Variants in CREB5 observed in about 807,000 individuals in gnomAD.
The protein encoded by CREB5 is cyclic AMP-responsive element-binding protein 5.
Under a neutral mutation model 57.1 loss-of-function variants are expected in CREB5, and 19 were observed. The observed-to-expected ratio is 0.33, with a 90% CI of 0.23 to 0.49. CREB5 has a LOEUF of 0.49. Ranked by LOEUF, CREB5 falls within the 20% of genes least tolerant of loss-of-function variation. The pLI is 0.99. For synonymous variants in CREB5, 238 were observed against 238.3 expected, an observed-to-expected ratio of 1.00 and a Z score of 0.01; for missense variants, 579 against 671.6, an observed-to-expected ratio of 0.86 and a Z score of 1.52.
intron 1 of CREB5, among the ~76,000 whole-genome samples, chr7:28,300,430 G>T (rs1025719105): frequency 1.3e-5 from 2 of 152,192 alleles, no homozygotes; most frequent in African/African-American, 4.8e-5. Context: ...TCTCCAGGTG[G>T]CTGGTGTTGG....
At chr7:28,303,440 G>A (rs1327549203) in intron 1 of CREB5, among the ~76,000 whole-genome samples, 1 of 152,092 alleles carries the variant, frequency 6.6e-6, no homozygotes, top group South Asian at 2.1e-4. Context: ...ATCAAGAGGG[G>A]GAAATTAGCC....
intron 5 of CREB5, among the ~76,000 whole-genome samples, chr7:28,636,979 C>A (rs1798445814): frequency 1.3e-5 from 2 of 151,888 alleles, no homozygotes; most frequent in African/African-American, 4.8e-5. Context: ...CATAGTGAAA[C>A]CCTGACTCTA....
Position 28,321,163 on chromosome 7 carries a change from A to T in CREB5, c.-25+21722A>T, listed in dbSNP as rs903758422. Among the ~76,000 whole-genome samples, 4 of 152,192 alleles carry T rather than the reference A, an allele frequency of 2.6e-5. No homozygotes were observed. In the South Asian group the frequency reaches 8.3e-4, roughly 31 times the overall value. On this transcript the variant is annotated intron_variant, in intron 1 of 9. Coordinates refer to the CREB5 transcript ENST00000396299. ...TTGGACACACTGCTTGACACTTAGT[A>T]AGTGTTGTGAAAGTATTAGCTTCCT... is the stretch of plus-strand genomic sequence containing the variant.
At chr7:28,745,852 C>G (rs186714311) in intron 7 of CREB5, among the ~76,000 whole-genome samples, 2 of 152,258 alleles carry the variant, frequency 1.3e-5, no homozygotes, top group Non-Finnish European at 2.9e-5. Flanking sequence ...TTTAAGAGAC[C>G]AGCTAGGACA....
chr7:28,563,457 T>C (rs1170108002), intron 4 of CREB5, among the ~76,000 whole-genome samples: 1 of 152,188 alleles, frequency 6.6e-6, no homozygotes, highest in Non-Finnish European at 1.5e-5. Context: ...AGTGCTTATG[T>C]TTTTCTTTTA....
chr7:28,795,070 G>A (rs1241509121), intron 7 of CREB5, among the ~76,000 whole-genome samples: 2 of 152,120 alleles, frequency 1.3e-5, no homozygotes, highest in Non-Finnish European at 2.9e-5. Context: ...GCGGAGAACA[G>A]GACTCTCACT....
chr7:28,530,678 T>C (rs1793687709), intron 4 of CREB5, among the ~76,000 whole-genome samples: 1 of 152,184 alleles, frequency 6.6e-6, no homozygotes, highest in Non-Finnish European at 1.5e-5. Context: ...TTCGCCATAG[T>C]TAGCTTTGTT....
At chr7:28,565,643 C>G (rs1002648372) in intron 4 of CREB5, among the ~76,000 whole-genome samples, 17 of 152,206 alleles carry the variant, frequency 1.1e-4, no homozygotes, top group African/African-American at 4.1e-4. Context: ...AAATTATGCC[C>G]TCTGGCTGGG....
At chr7:28,709,606 A>G (rs1197522184) in intron 5 of CREB5, among the ~76,000 whole-genome samples, 2 of 152,180 alleles carry the variant, frequency 1.3e-5, no homozygotes, top group African/African-American at 2.4e-5. Flanking sequence ...AAACAAGGCA[A>G]AGTCTCCAGC....
intron 5 of CREB5, among the ~76,000 whole-genome samples, chr7:28,669,746 A>G (rs1354634701): frequency 2.0e-5 from 3 of 152,220 alleles, no homozygotes; most frequent in Admixed American, 1.3e-4. Context: ...TAAAGCATTT[A>G]CTGTTTTACC....
At chr7:28,743,838 C>CTTTTTTT (rs58302393) in intron 7 of CREB5, among the ~76,000 whole-genome samples, 2,747 of 75,144 alleles carry the variant, frequency 0.037, 2 homozygotes, top group East Asian at 0.11. Flanking sequence ...ATCTCCTTTT[C>CTTTTTTT]TTTTTTTTTT....
rs1583821723 is a variant in CREB5, at chr7:28,820,491, CAA to C, written c.*1214_*1215del. On this transcript the variant is annotated 3_prime_UTR_variant, in exon 11 of 11. Coordinates refer to ENST00000357727, the MANE Select transcript of CREB5 (RefSeq NM_182898.4). The stretch of plus-strand genomic sequence containing the variant: ...GAAAATAGACTAACTACTGGAGAAA[CAA>C]AGAGAGAAAGAAAACCCAGTGTTTC... 2 of 150,190 alleles carry C rather than the reference CAA, an allele frequency of 1.3e-5. No homozygotes were observed. The highest frequency in any genetic ancestry group is 4.9e-5 in the African/African-American group (2 of 40,572). 9.3% of individuals were successfully genotyped at this position (150,190 alleles called of 1,614,324 possible). A position where few individuals can be genotyped will look rare whatever the true frequency, so the allele number is the denominator to read the frequency against.
chr7:28,716,783 A>G (rs1802712230), intron 5 of CREB5, among the ~76,000 whole-genome samples: 1 of 152,216 alleles, frequency 6.6e-6, no homozygotes. Flanking sequence ...TTTAAGACCT[A>G]GTGAAGGCAC....
intron 1 of CREB5, among the ~76,000 whole-genome samples, chr7:28,319,472 T>G (rs1007796963): frequency 6.6e-6 from 1 of 152,192 alleles, no homozygotes; most frequent in African/African-American, 2.4e-5. Context: ...AGTGGAAGTA[T>G]TTTCTTTGTT....
At chr7:28,790,510 AAT>A (rs1398029935) in intron 7 of CREB5, among the ~76,000 whole-genome samples, 2 of 152,038 alleles carry the variant, frequency 1.3e-5, no homozygotes, top group African/African-American at 4.8e-5. Flanking sequence ...AAGAAAGAAA[AAT>A]AAAGAAAGAA....
intron 1 of CREB5, among the ~76,000 whole-genome samples, chr7:28,308,767 A>G (rs6955393): frequency 0.74 from 112,471 of 152,084 alleles, 42,558 homozygotes; most frequent in East Asian, 0.96. Context: ...CAGGTATAAG[A>G]CCTTTTAGAC....
chr7:28,604,973 GA>G (rs1370325480), intron 5 of CREB5, among the ~76,000 whole-genome samples: 2 of 152,164 alleles, frequency 1.3e-5, no homozygotes, highest in East Asian at 3.9e-4. Context: ...CAGCTTGATG[GA>G]AACTAGAACC....
At chr7:28,416,455 T>C (rs185855650) in intron 1 of CREB5, among the ~76,000 whole-genome samples, 2 of 152,350 alleles carry the variant, frequency 1.3e-5, no homozygotes, top group Admixed American at 1.3e-4. Flanking sequence ...AAACAAGATC[T>C]TCTCCTTTAA....
At chr7:28,615,400 C>G (rs1797558619) in intron 5 of CREB5, 2 of 152,388 alleles carry the variant, frequency 1.3e-5, no homozygotes, top group African/African-American at 4.8e-5. Flanking sequence ...AGGAGGTGCG[C>G]CAGAGCCACG....
Sources: allele counts gnomAD v4.1 joint callset (sites outside exome capture counted in the v4.1 genomes callset), GRCh38; gene constraint gnomAD v4.1.1; transcripts MANE v1.5; gene names NCBI Gene and HGNC (gene_info 2026-07-23, HGNC 2026-07-21).